Variants in CACNB2 observed in about 807,000 individuals in gnomAD.
The protein encoded by CACNB2 is voltage-dependent L-type calcium channel subunit beta-2.
Under a neutral mutation model 73.3 loss-of-function variants are expected in CACNB2, and 42 were observed. The ratio of observed to expected loss-of-function variants is 0.57; its 90% CI spans 0.45 to 0.74. CACNB2 has a LOEUF of 0.74. Among genes scored for constraint, CACNB2 ranks in the 30% least tolerant of loss-of-function variants. The pLI, the probability that CACNB2 is intolerant of heterozygous loss-of-function variation, is 0.00. For synonymous variants in CACNB2, 348 were observed against 310.3 expected (o/e 1.12, Z -1.28); for missense variants, 940 against 853.0 (o/e 1.10, Z -1.27).
At chr10:18,416,056 A>G (rs1457246435) in intron 3 of CACNB2, among the ~76,000 whole-genome samples, 1 of 152,120 alleles carries the variant, frequency 6.6e-6, no homozygotes, top group African/African-American at 2.4e-5. Flanking sequence ...TTTGTTGAGT[A>G]TAGTCATCCT....
In CACNB2 at chr10:18,474,390, C is replaced by T. The variant is rs147632946; in HGVS notation, c.334-23965C>T. ...TCAATGGAGAAGCTTATTTTGCCGA[C>T]GTTAAGGACATGCCTAGGCTCAGCG... is the stretch of plus-strand genomic sequence containing the variant. On this transcript the variant is annotated intron_variant, in intron 3 of 13. Transcript: ENST00000324631. Among the ~76,000 whole-genome samples the T allele has an allele frequency of 3.2e-3, 487 of 152,256 alleles. 2 individuals are homozygous for T. Among genetic ancestry groups the T allele is most frequent in the African/African-American group, 0.011 (446 of 41,546 alleles).
rs760069235 is a variant in CACNB2 at position 18,534,088 on chromosome 10, G to A, written c.1067G>A (p.Ser356Asn). ...NTRSSLAEVQ[S>N]EIERIFELAR... ...TCGCCCTTTACAGCGGAAGTTCAGA[G>A]TGAAATCGAAAGGATTTTTGAACTT... The change falls in exon 11 of 14, where the codon AGT (serine) becomes AAT (asparagine). Residue 356 changes from serine (S) to asparagine (N), a missense_variant. Physicochemically the swap from Ser to Asn is conservative, Grantham distance 46. Coordinates refer to ENST00000324631, the MANE Select transcript of CACNB2 (RefSeq NM_201596.3). 6.2e-7 allele frequency: 1 copy of A among 1,614,072 alleles called. No homozygotes were observed. The highest frequency in any genetic ancestry group is 1.7e-5 in the Admixed American group (1 of 60,014).
At chr10:18,502,538 A>T (rs1457392184) in intron 5 of CACNB2, among the ~76,000 whole-genome samples, 1 of 151,512 alleles carries the variant, frequency 6.6e-6, no homozygotes, top group East Asian at 1.9e-4. Flanking sequence ...AAAAAAAAAA[A>T]AAATTAGCTG....
intron 2 of CACNB2, among the ~76,000 whole-genome samples, chr10:18,274,720 A>G (rs1484906666): frequency 6.6e-6 from 1 of 152,136 alleles, no homozygotes; most frequent in Non-Finnish European, 1.5e-5. Context: ...ATTTCATAGG[A>G]TTTTCATTTC....
At chr10:18,339,570 T>C (rs1452505692) in intron 2 of CACNB2, among the ~76,000 whole-genome samples, 1 of 152,140 alleles carries the variant, frequency 6.6e-6, no homozygotes, top group Admixed American at 6.5e-5. Context: ...GAAAGTCTAG[T>C]TGCTCTGCAT....
intron 3 of CACNB2, among the ~76,000 whole-genome samples, chr10:18,475,316 G>A (rs2048385942): frequency 6.6e-6 from 1 of 152,056 alleles, no homozygotes; most frequent in Admixed American, 6.6e-5. Context: ...GTCTCTAGAG[G>A]TCAGGGTGTT....
intron 2 of CACNB2, chr10:18,340,616 C>A: frequency 8.7e-7 from 1 of 1,149,198 alleles, no homozygotes; most frequent in Non-Finnish European, 1.1e-6. Flanking sequence ...AGTTTGCAGG[C>A]GTCTGTCTTC....
intron 2 of CACNB2, among the ~76,000 whole-genome samples, chr10:18,209,918 A>C (rs1488209149): frequency 6.6e-6 from 1 of 152,212 alleles, no homozygotes; most frequent in East Asian, 1.9e-4. Flanking sequence ...GTCATTGACA[A>C]ACTACCAAAA....
At chr10:18,538,981 CTTTTTTT>C (rs11419902) in intron 13 of CACNB2, among the ~76,000 whole-genome samples, 15 of 146,410 alleles carry the variant, frequency 1.0e-4, no homozygotes, top group African/African-American at 3.8e-4. Flanking sequence ...CCTGCTGCTG[CTTTTTTT>C]TTTTTAAAGG....
intron 2 of CACNB2, among the ~76,000 whole-genome samples, chr10:18,194,323 G>A (rs1389838077): frequency 6.6e-6 from 1 of 152,182 alleles, no homozygotes; most frequent in Non-Finnish European, 1.5e-5. Flanking sequence ...AGGCCCCCCA[G>A]CTGAAGGAAG....
At chr10:18,328,240 A>C (rs1338553630) in intron 2 of CACNB2, among the ~76,000 whole-genome samples, 1 of 152,238 alleles carries the variant, frequency 6.6e-6, no homozygotes, top group East Asian at 1.9e-4. Context: ...CCTTGGCCAC[A>C]CATTAGAATC....
At chr10:18,364,620 T>TCGTCTTGAATTCCTG (rs2042276596) in intron 2 of CACNB2, among the ~76,000 whole-genome samples, 1 of 152,084 alleles carries the variant, frequency 6.6e-6, no homozygotes, top group Admixed American at 6.6e-5. Flanking sequence ...AATTTTTTTC[T>TCGTCTTGAATTCCTG]TCTGGTCTTG....
At chr10:18,318,240 G>T (rs1229281763) in intron 2 of CACNB2, among the ~76,000 whole-genome samples, 1 of 152,196 alleles carries the variant, frequency 6.6e-6, no homozygotes, top group African/African-American at 2.4e-5. Context: ...CAAGGCTGCA[G>T]TAACCAAAAC....
chr10:18,329,951 C>T (rs1489601484), intron 2 of CACNB2, among the ~76,000 whole-genome samples: 2 of 152,122 alleles, frequency 1.3e-5, no homozygotes, highest in African/African-American at 2.4e-5. Flanking sequence ...AGCGATTCTT[C>T]TGCCTCAGCC....
At chr10:18,536,806 A>T (rs2133311982) in intron 12 of CACNB2, among the ~76,000 whole-genome samples, 1 of 152,270 alleles carries the variant, frequency 6.6e-6, no homozygotes, top group South Asian at 2.1e-4. Context: ...TTGTATGATG[A>T]GTCTATTTGG....
intron 9 of CACNB2, chr10:18,519,713 A>G: frequency 2.2e-6 from 1 of 455,456 alleles, no homozygotes; most frequent in Non-Finnish European, 4.4e-6. Context: ...TCTTTTCTTT[A>G]CAGGAAGATT....
intron 3 of CACNB2, among the ~76,000 whole-genome samples, chr10:18,433,873 TTTGTTGTTGTTG>T (rs143561512): frequency 2.3e-3 from 343 of 150,034 alleles, no homozygotes; most frequent in Admixed American, 5.7e-3. Flanking sequence ...TAAATCAGAT[TTTGTTGTTGTTG>T]TTGTTGTTGT....
At chr10:18,508,435 T>A (rs990896249) in intron 6 of CACNB2, among the ~76,000 whole-genome samples, 1 of 152,174 alleles carries the variant, frequency 6.6e-6, no homozygotes, top group African/African-American at 2.4e-5. Context: ...CAGGGATTCC[T>A]ATATAAACCT....
chr10:18,259,570 A>AAAAAAAAAC (rs1554779378), intron 2 of CACNB2, among the ~76,000 whole-genome samples: 8 of 116,986 alleles, frequency 6.8e-5, no homozygotes, highest in Non-Finnish European at 8.9e-5. Context: ...CAAACAAAAA[A>AAAAAAAAAC]AAAAAGTAAA....
Sources: allele counts gnomAD v4.1 joint callset (sites outside exome capture counted in the v4.1 genomes callset), GRCh38; gene constraint gnomAD v4.1.1; transcripts MANE v1.5; gene names NCBI Gene and HGNC (gene_info 2026-07-23, HGNC 2026-07-21).